The following PPP2R2A variants were observed in gnomAD, a reference collection of about 807,000 sequenced individuals.
The protein encoded by PPP2R2A is protein phosphatase 2 regulatory subunit Balpha, also known as serine/threonine-protein phosphatase 2A 55 kDa regulatory subunit B alpha isoform.
In PPP2R2A, 9 loss-of-function variants were observed where a neutral mutation model predicts 53.2. That is an observed-to-expected ratio of 0.17 (90% CI 0.10 to 0.30). The LOEUF (loss-of-function observed/expected upper bound fraction) is 0.30. Ranked by LOEUF, PPP2R2A falls within the 10% of genes least tolerant of loss-of-function variation. The probability of loss-of-function intolerance (pLI) is 1.00; values close to 1 mark genes in which losing one functional copy is unlikely to be tolerated. For missense variants in PPP2R2A, 235 were observed against 534.6 expected (o/e 0.44, Z 5.53); for synonymous variants, 169 against 174.2 (o/e 0.97, Z 0.23).
rs1053690140 is a variant in PPP2R2A, at chr8:26,304,622, G to T, written c.82+10882G>T. ...TCTGTTTTTTCCTGCTTACCACAAG[G>T]TAAGATTCTTAAGGGTGGATGACTT... On this transcript the variant is annotated intron_variant, in intron 2 of 9. Coordinates refer to ENST00000380737, the MANE Select transcript of PPP2R2A (RefSeq NM_002717.4). 2.0e-5 allele frequency among the ~76,000 whole-genome samples: 3 copies of T among 152,226 alleles called. No homozygotes were observed. In the South Asian group the frequency reaches 6.2e-4, roughly 32 times the overall value.
At chr8:26,303,630 G>A (rs1266050172) in intron 2 of PPP2R2A, among the ~76,000 whole-genome samples, 2 of 152,216 alleles carry the variant, frequency 1.3e-5, no homozygotes, top group Middle Eastern at 3.4e-3. Flanking sequence ...CCCATTCTAA[G>A]GATGTAGTAT....
At chr8:26,359,978 A>G (rs1043383615) in intron 4 of PPP2R2A, among the ~76,000 whole-genome samples, 191 bp from the exon 5 acceptor site, 3 of 151,788 alleles carry the variant, frequency 2.0e-5, no homozygotes, top group Admixed American at 6.6e-5. Flanking sequence ...AGTGCCACCA[A>G]TCTTTGCACT....
intron 4 of PPP2R2A, among the ~76,000 whole-genome samples, chr8:26,357,105 T>A (rs916966312): frequency 6.6e-6 from 1 of 152,192 alleles, no homozygotes; most frequent in Admixed American, 6.5e-5. Context: ...TCATATGAAC[T>A]GTTGTGTCTG....
chr8:26,367,276 C>A (rs886916416), intron 9 of PPP2R2A, among the ~76,000 whole-genome samples: 1 of 151,600 alleles, frequency 6.6e-6, no homozygotes, highest in African/African-American at 2.4e-5. Context: ...TACTACTAAA[C>A]CTGAGGCATC....
intron 2 of PPP2R2A, among the ~76,000 whole-genome samples, chr8:26,300,067 G>A (rs916196601): frequency 4.5e-4 from 68 of 152,232 alleles, no homozygotes; most frequent in East Asian, 9.6e-4. Flanking sequence ...TATCTGTTTA[G>A]CATCAAATAG....
intron 2 of PPP2R2A, among the ~76,000 whole-genome samples, chr8:26,310,822 T>G (rs138594221): frequency 2.0e-5 from 3 of 152,320 alleles, no homozygotes; most frequent in African/African-American, 7.2e-5. Flanking sequence ...AAAAATCTTT[T>G]CCAGTTATTT....
chr8:26,354,736 G>C lies in PPP2R2A; in HGVS notation c.346+103G>C, dbSNP rs3779915. The stretch of plus-strand genomic sequence containing the variant: ...ATTTAACAGAGATACTTGTAAAAAG[G>C]ACTTTTGTTTTTCTATACAGAATGT... On this transcript the variant is annotated intron_variant, in intron 4 of 9. Coordinates refer to ENST00000380737, the MANE Select transcript of PPP2R2A (RefSeq NM_002717.4). The surrounding 1 kb of genome is among the most constrained non-coding windows in gnomAD (Gnocchi z 4.6). The C allele has an allele frequency of 0.018, 20,759 of 1,143,566 alleles. 1,158 individuals carry two copies. In the Admixed American group the frequency reaches 0.18, roughly 10 times the overall value. 70.8% of individuals were successfully genotyped at this position (1,143,566 alleles called of 1,614,324 possible).
chr8:26,294,755 T>C (rs192279878), intron 2 of PPP2R2A, among the ~76,000 whole-genome samples: 1 of 152,306 alleles, frequency 6.6e-6, no homozygotes, highest in African/African-American at 2.4e-5. Context: ...AGCCGAACTC[T>C]CTTATTTGCT....
chr8:26,326,633 A>C (rs1441100550), intron 2 of PPP2R2A, among the ~76,000 whole-genome samples: 2 of 152,226 alleles, frequency 1.3e-5, no homozygotes, highest in African/African-American at 4.8e-5. Flanking sequence ...TAATTATAAA[A>C]ATACCTTAAT....
rs1805633794 is a variant in PPP2R2A at position 26,370,781 on chromosome 8, G to A, written c.*368G>A. 7.7e-6 allele frequency: 2 copies of A among 260,750 alleles called. No homozygotes were observed. Among genetic ancestry groups the A allele is most frequent in the Non-Finnish European group, 1.5e-5 (2 of 132,434 alleles). The allele number at this position is 260,750 out of a possible 1,614,324, so 16.2% of individuals were successfully genotyped here. A position where few individuals can be genotyped will look rare whatever the true frequency, so the allele number is the denominator to read the frequency against. On this transcript the variant is annotated 3_prime_UTR_variant, in exon 10 of 10. Coordinates refer to ENST00000380737, the MANE Select transcript of PPP2R2A (RefSeq NM_002717.4). This position sits in a 1 kb window ranked among gnomAD's most constrained non-coding sequence, Gnocchi z 6.1. ...TTCAGTCATGCTATGGGATTTAATT[G>A]TGTATCCTCATTACTGTATCATTTG...
intron 4 of PPP2R2A, among the ~76,000 whole-genome samples, chr8:26,359,917 A>G (rs1193823346): frequency 6.6e-6 from 1 of 152,192 alleles, no homozygotes; most frequent in Admixed American, 6.5e-5. Context: ...TTTAAGGGAC[A>G]GGGATAGAGA....
At chr8:26,369,963 AGTACCGTATTTC>A (rs1805588401) in intron 9 of PPP2R2A, among the ~76,000 whole-genome samples, 159 bp from the exon 10 acceptor site, 1 of 152,252 alleles carries the variant, frequency 6.6e-6, no homozygotes, top group African/African-American at 2.4e-5. Flanking sequence ...CCAGTTAATT[AGTACCGTATTTC>A]TGGTTTATTC....
At chr8:26,361,333 T>C (rs1424119129) in intron 6 of PPP2R2A, among the ~76,000 whole-genome samples, 182 bp downstream of exon 6, 1 of 152,246 alleles carries the variant, frequency 6.6e-6, no homozygotes, top group Non-Finnish European at 1.5e-5. Context: ...TTGCTAAACA[T>C]AAAGGGCATA....
At chr8:26,307,022 G>A (rs1802056710) in intron 2 of PPP2R2A, among the ~76,000 whole-genome samples, 2 of 152,160 alleles carry the variant, frequency 1.3e-5, no homozygotes, top group African/African-American at 4.8e-5. Flanking sequence ...GGACTTGAAA[G>A]TAGGAAAATG....
At chr8:26,308,383 T>A (rs1256681750) in intron 2 of PPP2R2A, among the ~76,000 whole-genome samples, 2 of 139,236 alleles carry the variant, frequency 1.4e-5, no homozygotes, top group African/African-American at 5.1e-5. Context: ...CAGTAGAACT[T>A]CTTTCAAAAT....
intron 2 of PPP2R2A, among the ~76,000 whole-genome samples, chr8:26,312,442 G>T (rs1802334704): frequency 2.0e-5 from 3 of 152,198 alleles, no homozygotes; most frequent in Admixed American, 1.3e-4. Flanking sequence ...ACTTTGAGTG[G>T]CAAGGCAGCT....
At chr8:26,359,606 C>T (rs946401268) in intron 4 of PPP2R2A, among the ~76,000 whole-genome samples, 1 of 151,236 alleles carries the variant, frequency 6.6e-6, no homozygotes, top group Non-Finnish European at 1.5e-5. Context: ...TTTCTTCAGG[C>T]CCTGTTTCCT....
chr8:26,316,845 C>T (rs1390647444), intron 2 of PPP2R2A, among the ~76,000 whole-genome samples: 1 of 152,220 alleles, frequency 6.6e-6, no homozygotes, highest in Non-Finnish European at 1.5e-5. Context: ...CTGCCAAAGA[C>T]CTCCCTTCCA....
At chr8:26,353,026 C>T (rs1390494861) in intron 3 of PPP2R2A, among the ~76,000 whole-genome samples, 1 of 152,106 alleles carries the variant, frequency 6.6e-6, no homozygotes, top group Non-Finnish European at 1.5e-5. Flanking sequence ...TATTAAAAAT[C>T]GAGTTGCCTG....
Sources: allele counts gnomAD v4.1 joint callset (sites outside exome capture counted in the v4.1 genomes callset), GRCh38; gene constraint gnomAD v4.1.1; non-coding constraint Gnocchi (gnomAD v3.1); transcripts MANE v1.5; gene names NCBI Gene and HGNC (gene_info 2026-07-23, HGNC 2026-07-21).